The following SPAG16 variants were observed in gnomAD, a reference collection of about 807,000 sequenced individuals.
SPAG16 encodes the protein sperm-associated antigen 16 protein.
In SPAG16, 86 loss-of-function variants were observed where a neutral mutation model predicts 80.4. The ratio of observed to expected loss-of-function variants is 1.07; its 90% CI spans 0.90 to 1.28. SPAG16 has a LOEUF of 1.28. SPAG16 is among the 50% of genes most tolerant of loss of function. The pLI is 0.00. For synonymous variants in SPAG16, 294 were observed against 265.9 expected (o/e 1.11, Z -1.03); for missense variants, 870 against 765.3 (o/e 1.14, Z -1.61).
At chr2:214,180,562 T>C (rs557020700) in intron 15 of SPAG16, among the ~76,000 whole-genome samples, 123 of 150,722 alleles carry the variant, frequency 8.2e-4, no homozygotes, top group African/African-American at 2.9e-3. Flanking sequence ...TTGTAGTCAG[T>C]ATTCATCCTT....
At chr2:213,382,791 G>A (rs1005421899) in intron 9 of SPAG16, among the ~76,000 whole-genome samples, 2 of 152,050 alleles carry the variant, frequency 1.3e-5, no homozygotes, top group African/African-American at 4.8e-5. Context: ...CCATTTAGGG[G>A]GATTTTAGCA....
intron 10 of SPAG16, among the ~76,000 whole-genome samples, chr2:213,703,358 T>G (rs1246688734): frequency 1.3e-5 from 2 of 152,220 alleles, no homozygotes; most frequent in Non-Finnish European, 2.9e-5. Context: ...CACCTAAATG[T>G]GGTCACAAAA....
chr2:213,588,451 ATTTT>A (rs56944461), intron 10 of SPAG16, among the ~76,000 whole-genome samples: 1 of 144,108 alleles, frequency 6.9e-6, no homozygotes. Context: ...TTTATTTGTG[ATTTT>A]TTTTTTTTTT....
At chr2:213,298,695 G>T (rs1023018234) in intron 3 of SPAG16, among the ~76,000 whole-genome samples, 1 of 152,186 alleles carries the variant, frequency 6.6e-6, no homozygotes, top group African/African-American at 2.4e-5. Flanking sequence ...ATACATTGTA[G>T]TAGCTGTTGT....
chr2:213,746,746 G>A (rs773372141), intron 10 of SPAG16, among the ~76,000 whole-genome samples: 4 of 152,178 alleles, frequency 2.6e-5, no homozygotes, highest in Admixed American at 2.6e-4. Context: ...GGCAGAAGTT[G>A]CAGTGAGCCA....
intron 13 of SPAG16, among the ~76,000 whole-genome samples, chr2:214,073,331 T>C (rs190356503): frequency 2.0e-5 from 3 of 151,236 alleles, no homozygotes; most frequent in African/African-American, 7.3e-5. Flanking sequence ...CCAACTCCCC[T>C]GGTTCAAGCG....
chr2:213,431,197 A>G (rs1357350206), intron 9 of SPAG16, among the ~76,000 whole-genome samples: 1 of 152,080 alleles, frequency 6.6e-6, no homozygotes, highest in Non-Finnish European at 1.5e-5. Flanking sequence ...GCATAACAGG[A>G]CTCCACCAAA....
intron 13 of SPAG16, among the ~76,000 whole-genome samples, chr2:214,028,877 T>G (rs1335490194): frequency 6.6e-6 from 1 of 152,096 alleles, no homozygotes; most frequent in Non-Finnish European, 1.5e-5. Context: ...TGTAATACAA[T>G]CAATCATTCA....
chr2:214,138,412 C>T (rs1576323311), intron 14 of SPAG16, among the ~76,000 whole-genome samples: 1 of 152,188 alleles, frequency 6.6e-6, no homozygotes. Context: ...GAAAGCACCC[C>T]TTGCAAAAGA....
rs555210848 is a variant in SPAG16, at chr2:213,687,753, T to C, written c.1071-174732T>C. On this transcript the variant is annotated intron_variant, in intron 10 of 15. Transcript: ENST00000331683. Reference sequence around the variant, plus strand: ...ATAGTTTTCTTCATGTTTCTTGTGGTTGAAGTTTGATATGATTCTCGGAAC... The same window carrying C: ...ATAGTTTTCTTCATGTTTCTTGTGGCTGAAGTTTGATATGATTCTCGGAAC... Among the ~76,000 whole-genome samples the C allele has an allele frequency of 3.3e-5, 5 of 152,294 alleles. No individual in the cohort carries two copies. In the South Asian group the frequency reaches 1.0e-3, roughly 32 times the overall value.
intron 9 of SPAG16, among the ~76,000 whole-genome samples, chr2:213,387,488 GCTGGAGTGCAGT>G (rs1559077851): frequency 2.6e-4 from 1 of 3,828 alleles, no homozygotes; most frequent in African/African-American, 3.6e-4. Flanking sequence ...TGTCGCCCAG[GCTGGAGTGCAGT>G]GTGGAGTGCA....
At chr2:213,582,485 T>A (rs1429977476) in intron 10 of SPAG16, among the ~76,000 whole-genome samples, 6 of 152,158 alleles carry the variant, frequency 3.9e-5, no homozygotes, top group African/African-American at 1.4e-4. Context: ...ATAGTTGAAC[T>A]CTGTGGCATC....
chr2:213,366,443 C>T (rs1011651314), intron 8 of SPAG16, among the ~76,000 whole-genome samples: 1 of 151,820 alleles, frequency 6.6e-6, no homozygotes, highest in Admixed American at 6.6e-5. Context: ...GTATAATGGA[C>T]TCACAGTTCC....
At chr2:213,868,848 C>T (rs1157221793) in intron 11 of SPAG16, among the ~76,000 whole-genome samples, 1 of 152,130 alleles carries the variant, frequency 6.6e-6, no homozygotes, top group African/African-American at 2.4e-5. Flanking sequence ...CTCCAAAATA[C>T]CTCATGTTCT....
chr2:213,828,654 C>G (rs1213606809), intron 10 of SPAG16, among the ~76,000 whole-genome samples: 1 of 152,130 alleles, frequency 6.6e-6, no homozygotes, highest in Non-Finnish European at 1.5e-5. Flanking sequence ...TGGTTTGTAC[C>G]TGTCCTTGTT....
chr2:213,589,177 G>T (rs892548316), intron 10 of SPAG16, among the ~76,000 whole-genome samples: 5 of 152,162 alleles, frequency 3.3e-5, no homozygotes, highest in Admixed American at 1.3e-4. Context: ...CATGTATGAA[G>T]TTTCCTCAGT....
At chr2:213,529,036 T>C (rs1468404109) in intron 10 of SPAG16, among the ~76,000 whole-genome samples, 1 of 152,206 alleles carries the variant, frequency 6.6e-6, no homozygotes, top group Non-Finnish European at 1.5e-5. Context: ...CAGATTTAAG[T>C]TGAGCTTCAG....
At chr2:213,492,685 GTTT>G (rs11421804) in intron 10 of SPAG16, among the ~76,000 whole-genome samples, 2 of 136,318 alleles carry the variant, frequency 1.5e-5, no homozygotes, top group Non-Finnish European at 3.2e-5. Context: ...AAAGAAAGTT[GTTT>G]TTTTTTTTTT....
chr2:214,261,397 G>C (rs1194987784), intron 15 of SPAG16, among the ~76,000 whole-genome samples: 1 of 152,080 alleles, frequency 6.6e-6, no homozygotes, highest in East Asian at 1.9e-4. Flanking sequence ...TGGCGGCTAA[G>C]AAAGCTCTGC....
Sources: allele counts gnomAD v4.1 joint callset (sites outside exome capture counted in the v4.1 genomes callset), GRCh38; gene constraint gnomAD v4.1.1; transcripts MANE v1.5; gene names NCBI Gene and HGNC (gene_info 2026-07-23, HGNC 2026-07-21).